CSMD1: variants seen among roughly 807,000 people sequenced by gnomAD.
CSMD1 encodes the protein CUB and Sushi multiple domains 1, also known as CUB and sushi domain-containing protein 1.
A neutral mutation model predicts 417.5 loss-of-function variants in CSMD1; 213 were observed. The observed-to-expected ratio is 0.51, with a 90% CI of 0.46 to 0.57. The LOEUF (loss-of-function observed/expected upper bound fraction) is 0.57. Among genes scored for constraint, CSMD1 ranks in the 20% least tolerant of loss-of-function variants. The pLI, the probability that CSMD1 is intolerant of heterozygous loss-of-function variation, is 0.00. For missense variants in CSMD1, 6,923 were observed against 4,529.7 expected, an observed-to-expected ratio of 1.53 and a Z score of -15.17; for synonymous variants, 2,862 against 1,736.8, an observed-to-expected ratio of 1.65 and a Z score of -16.11.
chr8:3,361,253 T>C (rs1484982250), intron 20 of CSMD1, among the ~76,000 whole-genome samples: 3 of 152,146 alleles, frequency 2.0e-5, no homozygotes, highest in East Asian at 3.9e-4. Flanking sequence ...ATCACATACC[T>C]TGCTGTTATC....
chr8:3,666,915 G>A (rs1798721898), intron 7 of CSMD1, among the ~76,000 whole-genome samples: 1 of 152,146 alleles, frequency 6.6e-6, no homozygotes, highest in African/African-American at 2.4e-5. Flanking sequence ...CTGCTATGGT[G>A]CACATGATTT....
intron 21 of CSMD1, among the ~76,000 whole-genome samples, chr8:3,349,727 T>G (rs1004185183): frequency 4.3e-4 from 63 of 147,436 alleles, no homozygotes; most frequent in African/African-American, 1.5e-3. Flanking sequence ...GGTGTATATA[T>G]CTATAATATA....
chr8:3,731,245 T>G (rs2623695), intron 6 of CSMD1, among the ~76,000 whole-genome samples: 1 of 152,092 alleles, frequency 6.6e-6, no homozygotes, highest in East Asian at 1.9e-4. Context: ...CAGCAAACAA[T>G]GACGTGCATT....
chr8:3,031,250 T>A (rs1810321198), intron 50 of CSMD1, among the ~76,000 whole-genome samples: 1 of 137,790 alleles, frequency 7.3e-6, no homozygotes, highest in Non-Finnish European at 1.5e-5. Flanking sequence ...CACTCATAGG[T>A]GGGAATTGAA....
In CSMD1 at chr8:3,188,075, T is replaced by C. The variant is rs144654317; in HGVS notation, c.5524-110A>G. ...ATTAAGGTGTATATGTATATATATA[T>C]ACATATGTATATGTATATATATATA... is the stretch of plus-strand genomic sequence containing the variant. On this transcript the variant is annotated intron_variant, in intron 35 of 69. Transcript: ENST00000635120. 4.0e-3 allele frequency: 1,586 copies of C among 393,302 alleles called. 24 individuals are homozygous for C. Among genetic ancestry groups the C allele is most frequent in the African/African-American group, 0.031 (1,374 of 44,020 alleles). The allele number at this position is 393,302 out of a possible 1,614,324, so 24.4% of individuals were successfully genotyped here.
intron 1 of CSMD1, among the ~76,000 whole-genome samples, chr8:4,897,878 T>C (rs1804607847): frequency 6.6e-6 from 1 of 152,134 alleles, no homozygotes; most frequent in Non-Finnish European, 1.5e-5. Context: ...AGTCTCTACA[T>C]TACATCGTAA....
At chr8:4,079,323 C>G (rs1361356889) in intron 3 of CSMD1, among the ~76,000 whole-genome samples, 2 of 152,158 alleles carry the variant, frequency 1.3e-5, no homozygotes, top group African/African-American at 2.4e-5. Context: ...TAGGCAATGT[C>G]TGCATCCCTT....
At chr8:3,363,664 A>G (rs1389117901) in intron 20 of CSMD1, among the ~76,000 whole-genome samples, 3 of 152,162 alleles carry the variant, frequency 2.0e-5, no homozygotes, top group Non-Finnish European at 4.4e-5. Flanking sequence ...AGTAGCTGCG[A>G]CCACAGGCGC....
chr8:3,613,680 T>C lies in CSMD1; in HGVS notation c.1097+3030A>G, dbSNP rs1276168560. On this transcript the variant is annotated intron_variant, in intron 8 of 69. Transcript: ENST00000635120. ...ATAGATGTAGAAACTTTTGAAAAAA[T>C]TCCAAATTCATGTCAGATTAAAACA... Among the ~76,000 whole-genome samples, 51 of 146,436 alleles carry C rather than the reference T, an allele frequency of 3.5e-4. No individual in the cohort carries two copies. In the Admixed American group the frequency reaches 3.5e-3, roughly 10 times the overall value.
At chr8:4,888,307 C>G (rs566869900) in intron 1 of CSMD1, among the ~76,000 whole-genome samples, 2 of 151,962 alleles carry the variant, frequency 1.3e-5, no homozygotes, top group Non-Finnish European at 2.9e-5. Context: ...TCACATCAAG[C>G]CCCTGGAGGT....
chr8:3,228,511 G>T (rs535799485), intron 27 of CSMD1, among the ~76,000 whole-genome samples: 1 of 152,144 alleles, frequency 6.6e-6, no homozygotes, highest in South Asian at 2.1e-4. Flanking sequence ...ATTTCAGCTT[G>T]TCCTTGAAGC....
chr8:4,735,198 G>T (rs1440745645), intron 1 of CSMD1, among the ~76,000 whole-genome samples: 1 of 152,154 alleles, frequency 6.6e-6, no homozygotes, highest in Non-Finnish European at 1.5e-5. Flanking sequence ...TTCTCTTTCA[G>T]AACCTTTATT....
intron 3 of CSMD1, among the ~76,000 whole-genome samples, chr8:4,400,835 G>A (rs1163149073): frequency 6.7e-6 from 1 of 149,560 alleles, no homozygotes; most frequent in Non-Finnish European, 1.5e-5. Context: ...GGCATTTGAA[G>A]AACATTTTTT....
At chr8:3,461,065 G>A (rs565046363) in intron 12 of CSMD1, among the ~76,000 whole-genome samples, 4 of 152,264 alleles carry the variant, frequency 2.6e-5, no homozygotes, top group South Asian at 2.1e-4. Flanking sequence ...CATGTGACAC[G>A]ACTCTTTCCC....
intron 11 of CSMD1, among the ~76,000 whole-genome samples, chr8:3,484,656 G>A (rs936020307): frequency 9.9e-5 from 15 of 152,086 alleles, no homozygotes; most frequent in Admixed American, 5.2e-4. Context: ...AAGACAAGCC[G>A]CAGACTGAGA....
intron 7 of CSMD1, among the ~76,000 whole-genome samples, chr8:3,674,398 A>G (rs1359455051): frequency 6.6e-6 from 1 of 152,158 alleles, no homozygotes; most frequent in African/African-American, 2.4e-5. Context: ...TTTCCTAAGC[A>G]TTTCTCATTC....
chr8:4,407,022 C>G (rs1805072427), intron 3 of CSMD1, among the ~76,000 whole-genome samples: 1 of 152,104 alleles, frequency 6.6e-6, no homozygotes, highest in South Asian at 2.1e-4. Flanking sequence ...GCTACGGGTC[C>G]CCTGTCTTGG....
intron 3 of CSMD1, among the ~76,000 whole-genome samples, chr8:4,138,380 C>G (rs1443649784): frequency 6.6e-6 from 1 of 152,004 alleles, no homozygotes; most frequent in Non-Finnish European, 1.5e-5. Context: ...GATACCTGCT[C>G]TGGCACTTTG....
At chr8:3,800,213 A>G (rs139723685) in intron 5 of CSMD1, among the ~76,000 whole-genome samples, 9 of 152,302 alleles carry the variant, frequency 5.9e-5, no homozygotes, top group African/African-American at 1.9e-4. Context: ...AACTTTCAAC[A>G]AACTTATTGA....
Sources: gnomAD v4.1 joint callset for allele counts (sites outside exome capture counted in the v4.1 genomes callset) on GRCh38, gnomAD v4.1.1 for gene constraint, MANE v1.5 for transcripts, NCBI Gene and HGNC (gene_info 2026-07-23, HGNC 2026-07-21) for gene names.